The following LRRC4C variants were observed in gnomAD, a reference collection of about 807,000 sequenced individuals.
LRRC4C encodes leucine rich repeat containing 4C, also known as leucine-rich repeat-containing protein 4C.
LRRC4C carries 5 observed loss-of-function variants against 33.6 expected under a neutral mutation model. That is an observed-to-expected ratio of 0.15 (90% CI 0.08 to 0.31). The LOEUF is 0.31. Ranked by LOEUF, LRRC4C falls within the 10% of genes least tolerant of loss-of-function variation. The pLI is 1.00. For synonymous variants in LRRC4C, 329 were observed against 302.0 expected (o/e 1.09, Z -0.93); for missense variants, 560 against 796.7 (o/e 0.70, Z 3.58).
intron 1 of LRRC4C, among the ~76,000 whole-genome samples, chr11:41,371,683 T>A (rs1032682573): frequency 6.6e-6 from 1 of 152,116 alleles, no homozygotes; most frequent in African/African-American, 2.4e-5. Flanking sequence ...GCATGTAGAG[T>A]TATAAATATT....
chr11:40,534,177 G>A (rs1956381939), intron 3 of LRRC4C, among the ~76,000 whole-genome samples: 1 of 151,986 alleles, frequency 6.6e-6, no homozygotes, highest in East Asian at 1.9e-4. Context: ...GGGACAATGA[G>A]GTTGGATGAC....
intron 2 of LRRC4C, among the ~76,000 whole-genome samples, chr11:40,841,981 AT>A (rs1368108383): frequency 2.0e-5 from 3 of 152,038 alleles, no homozygotes; most frequent in Non-Finnish European, 2.9e-5. Flanking sequence ...TTCCCACTCT[AT>A]TTCCCTTCCC....
At chr11:40,158,324 C>G (rs551417751) in intron 5 of LRRC4C, among the ~76,000 whole-genome samples, 2 of 151,966 alleles carry the variant, frequency 1.3e-5, no homozygotes, top group East Asian at 3.9e-4. Flanking sequence ...GTATACTGCT[C>G]AAGTGATGGG....
intron 1 of LRRC4C, among the ~76,000 whole-genome samples, chr11:41,378,507 C>T (rs572938788): frequency 6.6e-6 from 1 of 152,076 alleles, no homozygotes; most frequent in Non-Finnish European, 1.5e-5. Context: ...TACAGTAATT[C>T]ATCTCTTAAG....
intron 1 of LRRC4C, among the ~76,000 whole-genome samples, chr11:41,406,548 C>G (rs1954240694): frequency 6.6e-6 from 1 of 152,054 alleles, no homozygotes; most frequent in South Asian, 2.1e-4. Context: ...ATTTCCACCT[C>G]CTTCTCATCA....
At chr11:40,210,313 G>A (rs1241483664) in intron 5 of LRRC4C, among the ~76,000 whole-genome samples, 2 of 151,792 alleles carry the variant, frequency 1.3e-5, no homozygotes, top group Non-Finnish European at 2.9e-5. Context: ...ATAAAGTTTA[G>A]AGCTTATAAG....
intron 3 of LRRC4C, among the ~76,000 whole-genome samples, chr11:40,552,590 A>G (rs1164318641): frequency 2.6e-5 from 4 of 152,188 alleles, no homozygotes; most frequent in Non-Finnish European, 5.9e-5. Flanking sequence ...GGAAACAAAC[A>G]TAAGGCCAAC....
At chr11:40,772,141 A>C (rs1435567380) in intron 2 of LRRC4C, among the ~76,000 whole-genome samples, 1 of 152,138 alleles carries the variant, frequency 6.6e-6, no homozygotes, top group Non-Finnish European at 1.5e-5. Flanking sequence ...TAATTAACTC[A>C]CCTTTCTGCA....
At chr11:40,810,232 G>A (rs1951429420) in intron 2 of LRRC4C, among the ~76,000 whole-genome samples, 1 of 152,120 alleles carries the variant, frequency 6.6e-6, no homozygotes. Context: ...AGCAAAAATT[G>A]AGACACATGA....
At chr11:40,852,746 G>T (rs1953572542) in intron 2 of LRRC4C, among the ~76,000 whole-genome samples, 1 of 152,122 alleles carries the variant, frequency 6.6e-6, no homozygotes, top group African/African-American at 2.4e-5. Flanking sequence ...AATAGGAATA[G>T]AACTGTTGCA....
rs571816326 is a variant in LRRC4C at position 41,061,213 on chromosome 11, G to C, written c.-495-127490C>G. Among the ~76,000 whole-genome samples, 5 of 152,236 alleles carry C rather than the reference G, an allele frequency of 3.3e-5. No homozygotes were observed. In the South Asian group the frequency reaches 1.0e-3, roughly 32 times the overall value. ...AAGTTGAGTGGAAGGGGAAGGAGTG[G>C]AGATGCAAGGCGAGGGAGGAAAGAA... On this transcript the variant is annotated intron_variant, in intron 1 of 6. Coordinates refer to ENST00000528697, the MANE Select transcript of LRRC4C (RefSeq NM_001258419.2).
rs561256672 is a variant in LRRC4C at position 41,268,323 on chromosome 11, C to T, written c.-496+191108G>A. Reference sequence around the variant, plus strand: ...AATGAGATCTAAGCCCTGGGCAACACCTTGATCACAGCCTTGCAGAGGACC... The same window carrying T: ...AATGAGATCTAAGCCCTGGGCAACATCTTGATCACAGCCTTGCAGAGGACC... On this transcript the variant is annotated intron_variant, in intron 1 of 6. Coordinates refer to ENST00000528697, the MANE Select transcript of LRRC4C (RefSeq NM_001258419.2). Among the ~76,000 whole-genome samples, 61 of 152,036 alleles carry T rather than the reference C, an allele frequency of 4.0e-4. 1 individual carries two copies. Among genetic ancestry groups the T allele is most frequent in the Non-Finnish European group, 7.6e-4 (52 of 67,998 alleles).
chr11:40,650,128 C>A (rs567899506), intron 2 of LRRC4C, among the ~76,000 whole-genome samples: 6 of 152,118 alleles, frequency 3.9e-5, no homozygotes, highest in Non-Finnish European at 7.4e-5. Context: ...AATGAATTTC[C>A]TGTCACAGTA....
chr11:40,883,296 CT>C (rs1348905547), intron 2 of LRRC4C, among the ~76,000 whole-genome samples: 2 of 152,020 alleles, frequency 1.3e-5, no homozygotes, highest in Admixed American at 6.6e-5. Context: ...GCCTGCCCCC[CT>C]ATAGTCAACT....
chr11:40,797,247 T>G (rs1476683134), intron 2 of LRRC4C, among the ~76,000 whole-genome samples: 2 of 152,056 alleles, frequency 1.3e-5, no homozygotes, highest in Non-Finnish European at 2.9e-5. Flanking sequence ...GATTGGGATA[T>G]AAAAATAGAA....
At chr11:41,056,651 T>C (rs1858640177) in intron 1 of LRRC4C, among the ~76,000 whole-genome samples, 1 of 151,876 alleles carries the variant, frequency 6.6e-6, no homozygotes, top group Admixed American at 6.6e-5. Flanking sequence ...TCAACAAACA[T>C]GTAAAAAAAA....
At position 40,843,291 on chromosome 11, in the gene LRRC4C, G is replaced by A. The variant is rs149392769; in HGVS notation, c.-407+90344C>T. Among the ~76,000 whole-genome samples the A allele has an allele frequency of 9.2e-5, 14 of 152,158 alleles. No homozygotes were observed. In the East Asian group the frequency reaches 2.3e-3, roughly 25 times the overall value. ...GTCCTTTAATACCAGCAATTAGGAC[G>A]AGACCAACCCTATGTACTAGGTAGT... On this transcript the variant is annotated intron_variant, in intron 2 of 6. Transcript: ENST00000528697.
At chr11:40,973,230 A>G (rs964597873) in intron 1 of LRRC4C, among the ~76,000 whole-genome samples, 2 of 152,100 alleles carry the variant, frequency 1.3e-5, no homozygotes, top group Non-Finnish European at 2.9e-5. Context: ...ATGAACTAAT[A>G]CACTAGTTAT....
intron 5 of LRRC4C, among the ~76,000 whole-genome samples, chr11:40,219,875 G>A (rs1249701797): frequency 1.3e-5 from 2 of 152,138 alleles, no homozygotes; most frequent in East Asian, 3.9e-4. Context: ...TGCTAAATGA[G>A]TAGATTTTAG....
Sources: gnomAD v4.1 joint callset for allele counts (sites outside exome capture counted in the v4.1 genomes callset) on GRCh38, gnomAD v4.1.1 for gene constraint, MANE v1.5 for transcripts, NCBI Gene and HGNC (gene_info 2026-07-23, HGNC 2026-07-21) for gene names.